The following TAB3 variants were observed in gnomAD, a reference collection of about 807,000 sequenced individuals.
TAB3 encodes TGF-beta-activated kinase 1 and MAP3K7-binding protein 3.
A neutral mutation model predicts 48.1 loss-of-function variants in TAB3; 18 were observed. That is an observed-to-expected ratio of 0.37 (90% CI 0.26 to 0.55). The LOEUF is 0.55. Ranked by LOEUF, TAB3 falls within the 20% of genes least tolerant of loss-of-function variation. TAB3 has a pLI of 0.78. For missense variants in TAB3, 414 were observed against 549.8 expected, an observed-to-expected ratio of 0.75 and a Z score of 2.47; for synonymous variants, 185 against 190.2, an observed-to-expected ratio of 0.97 and a Z score of 0.22.
chrX:30,857,447 T>C (rs1368557311), intron 5 of TAB3, among the ~76,000 whole-genome samples: 1 of 111,124 alleles, frequency 9.0e-6, no homozygotes, highest in African/African-American at 3.3e-5. Flanking sequence ...CTTTTTTTTT[T>C]TATAGACCTA....
chrX:30,861,215 C>A (rs1395528598), intron 4 of TAB3, among the ~76,000 whole-genome samples: 1 of 111,818 alleles, frequency 8.9e-6, no homozygotes, highest in African/African-American at 3.3e-5. Context: ...TTTACAGAGC[C>A]CAACTACTCA....
chrX:30,831,338 G>C lies in TAB3; in HGVS notation c.*89C>G. On this transcript the variant is annotated 3_prime_UTR_variant, in exon 11 of 11. Transcript: ENST00000288422. ...CCGCTGTGCAATCGAAAATGAAAAG[G>C]CTGGGTGGATGAATAGAGTCCCGAG... The C allele has an allele frequency of 9.8e-7, 1 of 1,022,527 alleles. No homozygotes were observed. Among genetic ancestry groups the C allele is most frequent in the East Asian group, 3.3e-5 (1 of 30,320 alleles). The allele number at this position is 1,022,527 out of a possible 1,213,427, so 84.3% of individuals were successfully genotyped here.
intron 9 of TAB3, among the ~76,000 whole-genome samples, chrX:30,837,660 T>C (rs1364190531): frequency 8.9e-6 from 1 of 112,545 alleles, no homozygotes; most frequent in Non-Finnish European, 1.9e-5. Flanking sequence ...TTCTTAATAG[T>C]GTCACTTGAT....
chrX:30,864,506 C>T (rs948163308), intron 4 of TAB3, among the ~76,000 whole-genome samples: 1 of 111,005 alleles, frequency 9.0e-6, no homozygotes, highest in Non-Finnish European at 1.9e-5. Context: ...AGGATGTCTC[C>T]CAACAGAATT....
At chrX:30,860,744 G>C (rs931503050) in intron 4 of TAB3, among the ~76,000 whole-genome samples, 1 of 112,092 alleles carries the variant, frequency 8.9e-6, no homozygotes, top group African/African-American at 3.2e-5. Flanking sequence ...AGGGAAAACT[G>C]TTAATAAAAT....
rs767434755 is a variant in TAB3, at chrX:30,854,495, T to C, written c.1170A>G (p.Gln390=). 91 of 1,209,147 alleles carry C rather than the reference T, an allele frequency of 7.5e-5. No homozygotes were observed. The highest frequency in any genetic ancestry group is 2.3e-4 in the Middle Eastern group (1 of 4,373). ...GTGAGTGTTGATTCCGTGGAGATGG[T>C]TGATTACTGATGGGTGAAGGACTCC... ...INRSPSPISN[Q]PSPRNQHSLY... is the part of the protein sequence containing the mutation. The change falls in exon 6 of 11, where the codon CAA becomes CAG. Residue 390 remains glutamine (Q), a synonymous_variant. Coordinates refer to ENST00000288422, the MANE Select transcript of TAB3 (RefSeq NM_152787.5).
intron 1 of TAB3, among the ~76,000 whole-genome samples, chrX:30,880,787 T>G (rs1000323480): frequency 3.6e-5 from 4 of 111,952 alleles, no homozygotes; most frequent in African/African-American, 9.7e-5. Flanking sequence ...TTAAAAATAT[T>G]AACATTCTCC....
intron 1 of TAB3, among the ~76,000 whole-genome samples, chrX:30,875,774 T>C (rs756115468): frequency 4.5e-5 from 5 of 112,177 alleles, no homozygotes; most frequent in Middle Eastern, 4.2e-3. Context: ...AATTTACTTA[T>C]ATTTACGCAC....
chrX:30,851,201 C>CA (rs1207442033), intron 7 of TAB3, among the ~76,000 whole-genome samples: 2 of 111,979 alleles, frequency 1.8e-5, no homozygotes, highest in Non-Finnish European at 3.8e-5. Flanking sequence ...CACGATATTA[C>CA]AAAAAAGTCA....
chrX:30,885,904 C>G (rs774151075), intron 1 of TAB3, among the ~76,000 whole-genome samples: 6 of 111,134 alleles, frequency 5.4e-5, no homozygotes, highest in Non-Finnish European at 1.9e-5. Flanking sequence ...GTTTTGGTGC[C>G]TTCCTTGTTA....
At chrX:30,857,081 T>C (rs1038614917) in intron 5 of TAB3, among the ~76,000 whole-genome samples, 4 of 112,332 alleles carry the variant, frequency 3.6e-5, no homozygotes, top group Admixed American at 2.8e-4. Flanking sequence ...ACCTTTTCTT[T>C]ATATAAAGTT....
chrX:30,846,335 C>T, intron 8 of TAB3: 1 of 360,114 alleles, frequency 2.8e-6, no homozygotes, highest in South Asian at 6.6e-5. Context: ...ATAGAACAGT[C>T]TAAATGATAA....
chrX:30,888,509 C>T (rs1388602775), intron 1 of TAB3, among the ~76,000 whole-genome samples: 1 of 112,386 alleles, frequency 8.9e-6, no homozygotes, highest in Non-Finnish European at 1.9e-5. Flanking sequence ...AGCTGGCACA[C>T]GGTAGTAAAC....
intron 1 of TAB3, among the ~76,000 whole-genome samples, chrX:30,883,003 A>G (rs1940035674): frequency 1.8e-5 from 2 of 112,242 alleles, no homozygotes; most frequent in Non-Finnish European, 3.8e-5. Context: ...TTGCACCTCA[A>G]TTCTGACTCA....
chrX:30,831,681 A>G, intron 10 of TAB3, 106 bp from the exon 11 acceptor site: 13 of 901,573 alleles, frequency 1.4e-5, no homozygotes, highest in Non-Finnish European at 2.0e-5. Context: ...CAAGGGAGGT[A>G]ATTGCCTACT....
At chrX:30,859,849 G>A (rs750042083) in intron 4 of TAB3, 171 bp from the exon 5 acceptor site, 914 of 361,884 alleles carry the variant, frequency 2.5e-3, no homozygotes, top group Non-Finnish European at 3.4e-3. Context: ...TGCCAAAGCA[G>A]GCTGTGCTTA....
At chrX:30,858,676 T>C (rs1939152029) in intron 5 of TAB3, among the ~76,000 whole-genome samples, 1 of 111,537 alleles carries the variant, frequency 9.0e-6, no homozygotes, top group African/African-American at 3.3e-5. Flanking sequence ...AGCAAATAGG[T>C]AAGTGCCATA....
chrX:30,848,755 A>C (rs5972246), intron 7 of TAB3, among the ~76,000 whole-genome samples: 1 of 110,535 alleles, frequency 9.0e-6, no homozygotes, highest in Admixed American at 9.7e-5. Context: ...GTCTGTAAGA[A>C]AACAGGATGT....
chrX:30,859,125 C>T (rs771138367), intron 5 of TAB3, among the ~76,000 whole-genome samples: 3 of 111,562 alleles, frequency 2.7e-5, no homozygotes, highest in Non-Finnish European at 5.7e-5. Flanking sequence ...CTTTTATTTT[C>T]TTCTCCAATC....
Sources: gnomAD v4.1 joint callset for allele counts (sites outside exome capture counted in the v4.1 genomes callset) on GRCh38, gnomAD v4.1.1 for gene constraint, MANE v1.5 for transcripts, NCBI Gene and HGNC (gene_info 2026-07-23, HGNC 2026-07-21) for gene names.